Variants in KIRREL3 observed in about 807,000 individuals in gnomAD.
The protein encoded by KIRREL3 is kirre like nephrin family adhesion molecule 3, also known as kin of IRRE-like protein 3.
A neutral mutation model predicts 89.7 loss-of-function variants in KIRREL3; 36 were observed. The observed-to-expected ratio is 0.40, with a 90% CI of 0.31 to 0.53. The LOEUF (loss-of-function observed/expected upper bound fraction) is 0.53, where lower values mean the gene tolerates loss of function less well. KIRREL3 is among the 20% of genes least tolerant of loss of function. The pLI is 0.49. For missense variants in KIRREL3, 864 were observed against 1,056.6 expected, an observed-to-expected ratio of 0.82 and a Z score of 2.53; for synonymous variants, 445 against 441.4, an observed-to-expected ratio of 1.01 and a Z score of -0.10.
intron 11 of KIRREL3, among the ~76,000 whole-genome samples, chr11:126,438,159 C>G (rs1272463373): frequency 6.6e-6 from 1 of 152,246 alleles, no homozygotes; most frequent in Non-Finnish European, 1.5e-5. Flanking sequence ...CTGTGGCTGC[C>G]TGGGTGGGTG....
rs946395777 is a variant in KIRREL3 at position 126,917,911 on chromosome 11, G to A, written c.55+82544C>T. On this transcript the variant is annotated intron_variant, in intron 1 of 16. Transcript: ENST00000525144. This position sits in a 1 kb window ranked among gnomAD's most constrained non-coding sequence, Gnocchi z 5.0. ...GCACGCTTTGGTAATTGTTGAACTCGATTTCACTTGGTGTGTGATGACACA... is the reference window on the plus strand; with the variant it reads ...GCACGCTTTGGTAATTGTTGAACTCAATTTCACTTGGTGTGTGATGACACA... Among the ~76,000 whole-genome samples, 3 of 152,140 alleles carry A rather than the reference G, an allele frequency of 2.0e-5. No homozygotes were observed. The highest frequency in any genetic ancestry group is 6.5e-5 in the Admixed American group (1 of 15,272).
At position 126,677,059 on chromosome 11, in the gene KIRREL3, T is replaced by A. The variant is rs2063672029; in HGVS notation, c.56-114147A>T. Among the ~76,000 whole-genome samples, 1 of 152,146 alleles carries A rather than the reference T, an allele frequency of 6.6e-6. No homozygotes were observed. The highest frequency in any genetic ancestry group is 2.4e-5 in the African/African-American group (1 of 41,426). ...CGCCTTGGCCTCTCAAAGATTTTTT[T>A]TTTTTAACAGCTGTATTGAGATACA... is the stretch of plus-strand genomic sequence containing the variant. On this transcript the variant is annotated intron_variant, in intron 1 of 16. Coordinates refer to ENST00000525144, the MANE Select transcript of KIRREL3 (RefSeq NM_032531.4). This position sits in a 1 kb window ranked among gnomAD's most constrained non-coding sequence, Gnocchi z 5.1.
chr11:126,670,332 C>A (rs1489661826), intron 1 of KIRREL3, among the ~76,000 whole-genome samples: 1 of 152,084 alleles, frequency 6.6e-6, no homozygotes, highest in Non-Finnish European at 1.5e-5. Context: ...ATAAGAAAAA[C>A]CTAGAGTTAA....
chr11:126,464,363 G>GAAAAAAATTAA (rs1956648758), intron 5 of KIRREL3, among the ~76,000 whole-genome samples: 1 of 120,436 alleles, frequency 8.3e-6, no homozygotes, highest in Non-Finnish European at 1.8e-5. Flanking sequence ...AAAAAAAAAA[G>GAAAAAAATTAA]AAAAAAATTA....
chr11:126,792,177 C>T (rs934704129), intron 1 of KIRREL3, among the ~76,000 whole-genome samples: 1 of 152,142 alleles, frequency 6.6e-6, no homozygotes, highest in African/African-American at 2.4e-5. Context: ...TTCTGTCACT[C>T]ATTAGCTAGC....
rs1940835853 is a variant in KIRREL3, at chr11:126,570,376, T to C, written c.56-7464A>G. Among the ~76,000 whole-genome samples, 1 of 152,256 alleles carries C rather than the reference T, an allele frequency of 6.6e-6. No homozygotes were observed. Among genetic ancestry groups the C allele is most frequent in the South Asian group, 2.1e-4 (1 of 4,838 alleles). ...CTATTACATACCAATTAAATTCATA[T>C]AAGAGGAATCTGAAACAGCTGTGGT... is the stretch of plus-strand genomic sequence containing the variant. On this transcript the variant is annotated intron_variant, in intron 1 of 16. Transcript: ENST00000525144. The surrounding 1 kb of genome is among the most constrained non-coding windows in gnomAD (Gnocchi z 6.1).
Position 126,642,985 on chromosome 11 carries a change from C to CCCAT in KIRREL3, c.56-80077_56-80074dup, listed in dbSNP as rs372066492. Among the ~76,000 whole-genome samples the CCCAT allele has an allele frequency of 0.026, 3,862 of 150,720 alleles. 91 individuals are homozygous for CCCAT. The highest frequency in any genetic ancestry group is 0.057 in the African/African-American group (2,336 of 40,656). On this transcript the variant is annotated intron_variant, in intron 1 of 16. Coordinates refer to ENST00000525144, the MANE Select transcript of KIRREL3 (RefSeq NM_032531.4). This position sits in a 1 kb window ranked among gnomAD's most constrained non-coding sequence, Gnocchi z 4.9. The stretch of plus-strand genomic sequence containing the variant: ...GGTACTTTGGCCTCCCTTCTTCCCT[C>CCCAT]CCATCCATCCATCCATCCATCCATC...
intron 1 of KIRREL3, among the ~76,000 whole-genome samples, chr11:126,634,005 A>G (rs1944160751): frequency 6.6e-6 from 1 of 152,178 alleles, no homozygotes. Context: ...GTCCACATGA[A>G]TGAGACCTGA....
Position 126,744,852 on chromosome 11 carries a change from T to C in KIRREL3, c.56-181940A>G, listed in dbSNP as rs1949092122. 6.8e-6 allele frequency among the ~76,000 whole-genome samples: 1 copy of C among 147,040 alleles called. No individual in the cohort carries two copies. The highest frequency in any genetic ancestry group is 2.5e-5 in the African/African-American group (1 of 39,266). On this transcript the variant is annotated intron_variant, in intron 1 of 16. Transcript: ENST00000525144. This position sits in a 1 kb window ranked among gnomAD's most constrained non-coding sequence, Gnocchi z 4.7. ...CCTGCTCTGTCCCTGACACAATAAA[T>C]TGTGTCTGCCACATAGTAAGTGCTA... is the stretch of plus-strand genomic sequence containing the variant.
chr11:126,707,551 G>T (rs1947582118), intron 1 of KIRREL3, among the ~76,000 whole-genome samples: 1 of 152,132 alleles, frequency 6.6e-6, no homozygotes, highest in Non-Finnish European at 1.5e-5. Context: ...TGTTCTCTCT[G>T]TTCATATGCC....
rs1944263285 is a variant in KIRREL3 at position 126,636,350 on chromosome 11, G to A, written c.56-73438C>T. Among the ~76,000 whole-genome samples, 1 of 152,188 alleles carries A rather than the reference G, an allele frequency of 6.6e-6. No individual in the cohort carries two copies. The highest frequency in any genetic ancestry group is 1.5e-5 in the Non-Finnish European group (1 of 68,028). On this transcript the variant is annotated intron_variant, in intron 1 of 16. Coordinates refer to ENST00000525144, the MANE Select transcript of KIRREL3 (RefSeq NM_032531.4). The surrounding 1 kb of genome is among the most constrained non-coding windows in gnomAD (Gnocchi z 4.4). ...TTGGGAGGATAAAATTAAGAGACTG[G>A]TAACCCAGCATCTGCCGTTTAACAG...
chr11:126,446,762 T>C lies in KIRREL3; in HGVS notation c.1122A>G (p.Gly374=). Residue 374 remains glycine (G), a synonymous_variant, in exon 9 of 17, where the codon GGA becomes GGG. Transcript: ENST00000525144. The part of the protein sequence containing the change: ...LTIVWMKRGS[G]VVLSNEKTLT... ...GAGGTCTGAGCTGCAGCCTCACCACTCCGGAGCCCCGCTTCATCCAGACGA... is the reference window on the plus strand; with the variant it reads ...GAGGTCTGAGCTGCAGCCTCACCACCCCGGAGCCCCGCTTCATCCAGACGA... The C allele has an allele frequency of 1.3e-6, 2 of 1,599,304 alleles. No homozygotes were observed. Among genetic ancestry groups the C allele is most frequent in the Non-Finnish European group, 1.7e-6 (2 of 1,173,264 alleles).
rs953549992 is a variant in KIRREL3, at chr11:126,769,559, C to T, written c.56-206647G>A. Among the ~76,000 whole-genome samples, 3 of 152,238 alleles carry T rather than the reference C, an allele frequency of 2.0e-5. No individual in the cohort carries two copies. Among genetic ancestry groups the T allele is most frequent in the Non-Finnish European group, 2.9e-5 (2 of 68,044 alleles). ...GATATTCATGCATTTTGCATATTTT[C>T]ATTTACCACTGAATGCATGGACAGA... On this transcript the variant is annotated intron_variant, in intron 1 of 16. Transcript: ENST00000525144. The surrounding 1 kb of genome is among the most constrained non-coding windows in gnomAD (Gnocchi z 4.3).
At chr11:126,845,800 G>A (rs1944119271) in intron 1 of KIRREL3, among the ~76,000 whole-genome samples, 1 of 152,220 alleles carries the variant, frequency 6.6e-6, no homozygotes, top group Middle Eastern at 3.4e-3. Flanking sequence ...CATGGCTAAA[G>A]TTGGATAAAA....
intron 1 of KIRREL3, among the ~76,000 whole-genome samples, chr11:126,743,874 A>G (rs556059568): frequency 6.6e-6 from 1 of 152,306 alleles, no homozygotes; most frequent in East Asian, 1.9e-4. Context: ...TGTGTGTGGT[A>G]TGTATATGAG....
chr11:126,915,040 C>G (rs1385512435), intron 1 of KIRREL3, among the ~76,000 whole-genome samples: 2 of 152,176 alleles, frequency 1.3e-5, no homozygotes, highest in Non-Finnish European at 2.9e-5. Flanking sequence ...TTTCCTTCCC[C>G]TTCTGGCTTT....
At chr11:126,849,522 C>T (rs1944267451) in intron 1 of KIRREL3, among the ~76,000 whole-genome samples, 1 of 152,176 alleles carries the variant, frequency 6.6e-6, no homozygotes, top group African/African-American at 2.4e-5. Flanking sequence ...AGTAACAGGA[C>T]CACACAGTTT....
intron 1 of KIRREL3, among the ~76,000 whole-genome samples, chr11:126,823,804 G>A (rs4438051): frequency 0.13 from 20,056 of 152,200 alleles, 1,661 homozygotes; most frequent in East Asian, 0.27. Flanking sequence ...GCTTTCTGCT[G>A]CTACAGTGCC....
chr11:126,575,489 C>A lies in KIRREL3; in HGVS notation c.56-12577G>T, dbSNP rs1286220226. On this transcript the variant is annotated intron_variant, in intron 1 of 16. Transcript: ENST00000525144. The surrounding 1 kb of genome is among the most constrained non-coding windows in gnomAD (Gnocchi z 7.0). ...AGAGAGTTGTGTTCCTAAACCCTGT[C>A]TAAATGTATGGAACCAAGGCCGGAC... 2.0e-5 allele frequency among the ~76,000 whole-genome samples: 3 copies of A among 152,152 alleles called. No individual in the cohort carries two copies. Among genetic ancestry groups the A allele is most frequent in the Non-Finnish European group, 4.4e-5 (3 of 68,030 alleles).
Sources: allele counts gnomAD v4.1 joint callset (sites outside exome capture counted in the v4.1 genomes callset), GRCh38; gene constraint gnomAD v4.1.1; non-coding constraint Gnocchi (gnomAD v3.1); transcripts MANE v1.5; gene names NCBI Gene and HGNC (gene_info 2026-07-23, HGNC 2026-07-21).